PRKAR1B: variants seen among roughly 807,000 people sequenced by gnomAD.
PRKAR1B encodes cAMP-dependent protein kinase type I-beta regulatory subunit.
PRKAR1B carries 22 observed loss-of-function variants against 46.5 expected under a neutral mutation model. The observed-to-expected ratio is 0.47, with a 90% CI of 0.34 to 0.68. The LOEUF (loss-of-function observed/expected upper bound fraction) is 0.68, where lower values mean the gene tolerates loss of function less well. PRKAR1B is among the 30% of genes least tolerant of loss of function. The probability of loss-of-function intolerance (pLI) is 0.01; values close to 1 mark genes in which losing one functional copy is unlikely to be tolerated. For synonymous variants in PRKAR1B, 259 were observed against 217.7 expected, an observed-to-expected ratio of 1.19 and a Z score of -1.67; for missense variants, 445 against 535.6, an observed-to-expected ratio of 0.83 and a Z score of 1.67.
chr7:685,289 T>TATATATAC (rs1491565815), intron 2 of PRKAR1B, among the ~76,000 whole-genome samples: 92 of 12,184 alleles, frequency 7.6e-3, no homozygotes, highest in Non-Finnish European at 8.9e-3. Context: ...CGTATATATA[T>TATATATAC]GTATACATAT....
At chr7:645,493 A>C (rs1270844032) in intron 4 of PRKAR1B, among the ~76,000 whole-genome samples, 1 of 152,152 alleles carries the variant, frequency 6.6e-6, no homozygotes, top group Non-Finnish European at 1.5e-5. Flanking sequence ...TCTACTAAAA[A>C]TAAAAATAAT....
intron 4 of PRKAR1B, among the ~76,000 whole-genome samples, chr7:609,070 C>T (rs550450775): frequency 1.3e-5 from 2 of 149,592 alleles, no homozygotes; most frequent in Non-Finnish European, 3.0e-5. Flanking sequence ...GGTGGCAGGG[C>T]TGTAGGGAGA....
chr7:685,599 A>G (rs1779053990), intron 2 of PRKAR1B, among the ~76,000 whole-genome samples: 1 of 151,672 alleles, frequency 6.6e-6, no homozygotes, highest in Non-Finnish European at 1.5e-5. Flanking sequence ...TCCAGGGATA[A>G]GAATTTTCCA....
intron 4 of PRKAR1B, among the ~76,000 whole-genome samples, chr7:616,147 C>T (rs1022618706): frequency 6.6e-6 from 1 of 152,158 alleles, no homozygotes; most frequent in Non-Finnish European, 1.5e-5. Flanking sequence ...GGGTCTCAGC[C>T]CCTCTTGGCT....
chr7:623,538 T>C (rs539157225), intron 4 of PRKAR1B, among the ~76,000 whole-genome samples: 10 of 152,342 alleles, frequency 6.6e-5, no homozygotes, highest in Admixed American at 6.5e-4. Context: ...CACCACCCCA[T>C]GGGGGATGTC....
intron 2 of PRKAR1B, among the ~76,000 whole-genome samples, chr7:685,289 T>TACAC (rs1491565815): frequency 8.2e-5 from 1 of 12,194 alleles, no homozygotes. Flanking sequence ...CGTATATATA[T>TACAC]GTATACATAT....
chr7:626,788 G>A (rs1783426306), intron 4 of PRKAR1B, among the ~76,000 whole-genome samples: 1 of 151,794 alleles, frequency 6.6e-6, no homozygotes, highest in East Asian at 1.9e-4. Context: ...ATAGCTCACT[G>A]CAGCCTTGAC....
Position 583,604 on chromosome 7 carries a change from A to ACC in PRKAR1B, c.769+902_769+903dup, listed in dbSNP as rs150160720. On this transcript the variant is annotated intron_variant, in intron 8 of 10. Transcript: ENST00000537384. ...CTTGCACACTCCCAGGTGCACACAC[A>ACC]CCCCCTCACACGTGCACACTCAAAC... is the stretch of plus-strand genomic sequence containing the variant. Among the ~76,000 whole-genome samples the ACC allele has an allele frequency of 6.0e-3, 625 of 104,320 alleles. 6 individuals carry two copies. The highest frequency in any genetic ancestry group is 0.021 in the African/African-American group (564 of 27,024). The allele number at this position is 104,320 out of a possible 152,430, so 68.4% of individuals were successfully genotyped here.
At chr7:679,960 C>A (rs1778565501) in intron 3 of PRKAR1B, among the ~76,000 whole-genome samples, 1 of 152,068 alleles carries the variant, frequency 6.6e-6, no homozygotes, top group South Asian at 2.1e-4. Flanking sequence ...AGATTGAGAC[C>A]ATCCTGGCTA....
intron 2 of PRKAR1B, among the ~76,000 whole-genome samples, chr7:684,500 C>T (rs1778893591): frequency 6.6e-6 from 1 of 152,158 alleles, no homozygotes; most frequent in African/African-American, 2.4e-5. Flanking sequence ...CAGACAATGA[C>T]CTGAAGCATG....
intron 3 of PRKAR1B, 96 bp from the exon 4 acceptor site, chr7:677,416 T>C: frequency 1.0e-6 from 1 of 997,690 alleles, no homozygotes; most frequent in Non-Finnish European, 1.6e-6. Context: ...CCTGCTGTTA[T>C]CAGGCAATGG....
At chr7:611,179 C>T (rs1782459340) in intron 4 of PRKAR1B, among the ~76,000 whole-genome samples, 1 of 152,266 alleles carries the variant, frequency 6.6e-6, no homozygotes, top group African/African-American at 2.4e-5. Context: ...AAGCCCCTAT[C>T]ATGAACGCTC....
At chr7:607,592 G>T in intron 4 of PRKAR1B, 140 bp from the exon 5 acceptor site, 1 of 781,042 alleles carries the variant, frequency 1.3e-6, no homozygotes, top group South Asian at 1.7e-5. Flanking sequence ...GTTCAAAGAA[G>T]AAAATTGAAA....
At chr7:683,888 C>T (rs747243958) in intron 2 of PRKAR1B, among the ~76,000 whole-genome samples, 11 of 152,270 alleles carry the variant, frequency 7.2e-5, no homozygotes, top group Admixed American at 1.3e-4. Flanking sequence ...GCAGTTTCCC[C>T]AGAGGCCCCC....
chr7:689,803 TCG>T (rs1311748805), intron 2 of PRKAR1B, among the ~76,000 whole-genome samples: 2 of 151,638 alleles, frequency 1.3e-5, no homozygotes, highest in Non-Finnish European at 2.9e-5. Context: ...CCTCAGCCTC[TCG>T]AGTAGCTGGG....
At chr7:697,803 T>G (rs1779821164) in intron 2 of PRKAR1B, among the ~76,000 whole-genome samples, 1 of 149,650 alleles carries the variant, frequency 6.7e-6, no homozygotes, top group Admixed American at 6.7e-5. Flanking sequence ...ACGCAGGTCT[T>G]CAATCATTTA....
intron 6 of PRKAR1B, among the ~76,000 whole-genome samples, chr7:605,672 C>T (rs924395712): frequency 6.6e-6 from 1 of 152,142 alleles, no homozygotes; most frequent in Non-Finnish European, 1.5e-5. Context: ...TTGAGACAAG[C>T]GTGGGAAGAT....
At chr7:559,809 C>T (rs1278231118) in intron 9 of PRKAR1B, among the ~76,000 whole-genome samples, 1 of 152,184 alleles carries the variant, frequency 6.6e-6, no homozygotes, top group African/African-American at 2.4e-5. Flanking sequence ...GGCACGGTGG[C>T]TCACACCTGT....
At chr7:597,625 G>A (rs1052469584) in intron 6 of PRKAR1B, among the ~76,000 whole-genome samples, 69 of 152,202 alleles carry the variant, frequency 4.5e-4, no homozygotes, top group African/African-American at 1.5e-3. Context: ...CAACTCCAGC[G>A]TTTTAGGGGC....
Sources: allele counts gnomAD v4.1 joint callset (sites outside exome capture counted in the v4.1 genomes callset), GRCh38; gene constraint gnomAD v4.1.1; transcripts MANE v1.5; gene names NCBI Gene and HGNC (gene_info 2026-07-23, HGNC 2026-07-21).